The following SLC2A9 variants were observed in gnomAD, a reference collection of about 807,000 sequenced individuals.
SLC2A9 encodes solute carrier family 2, facilitated glucose transporter member 9.
SLC2A9 carries 39 observed loss-of-function variants against 50.6 expected under a neutral mutation model. The ratio of observed to expected loss-of-function variants is 0.77; its 90% CI spans 0.60 to 1.01. The LOEUF is 1.01. SLC2A9 is among the 50% of genes least tolerant of loss of function. The pLI, the probability that SLC2A9 is intolerant of heterozygous loss-of-function variation, is 0.00. For synonymous variants in SLC2A9, 324 were observed against 276.9 expected (o/e 1.17, Z -1.69); for missense variants, 686 against 677.6 (o/e 1.01, Z -0.14).
At chr4:9,860,059 A>G (rs1731365348) in intron 10 of SLC2A9, among the ~76,000 whole-genome samples, 2 of 152,080 alleles carry the variant, frequency 1.3e-5, no homozygotes, top group Admixed American at 1.3e-4. Context: ...GGAGAAATTC[A>G]TCTTTTCACA....
intron 7 of SLC2A9, among the ~76,000 whole-genome samples, chr4:9,909,044 T>C (rs1422502038): frequency 6.6e-6 from 1 of 152,200 alleles, no homozygotes; most frequent in Non-Finnish European, 1.5e-5. Context: ...AGGTCCCCAC[T>C]ACACAAAACG....
intron 3 of SLC2A9, 76 bp downstream of exon 3, chr4:9,996,705 G>C: frequency 6.4e-7 from 1 of 1,557,690 alleles, no homozygotes; most frequent in Non-Finnish European, 8.8e-7. Flanking sequence ...TCTGTTGCCT[G>C]TCAGGACCCT....
At chr4:9,901,555 C>A (rs921469700) in intron 8 of SLC2A9, among the ~76,000 whole-genome samples, 1 of 152,316 alleles carries the variant, frequency 6.6e-6, no homozygotes, top group East Asian at 1.9e-4. Context: ...CCTTTTAACA[C>A]CCCTGTCCAC....
intron 10 of SLC2A9, among the ~76,000 whole-genome samples, chr4:9,865,587 T>TA (rs1213136153): frequency 6.6e-6 from 1 of 152,220 alleles, no homozygotes; most frequent in Admixed American, 6.5e-5. Flanking sequence ...GCACCATACA[T>TA]ATCGCTTAGC....
intron 5 of SLC2A9, among the ~76,000 whole-genome samples, chr4:9,956,262 T>C (rs1389513264): frequency 6.6e-6 from 1 of 151,094 alleles, no homozygotes; most frequent in East Asian, 2.0e-4. Flanking sequence ...GGCAGGTGGA[T>C]CACAAAGTCA....
intron 4 of SLC2A9, among the ~76,000 whole-genome samples, chr4:9,984,935 G>A (rs926434505): frequency 1.3e-5 from 2 of 152,152 alleles, no homozygotes; most frequent in East Asian, 1.9e-4. Context: ...CCTCTTTGGC[G>A]TCATCAGCAC....
At chr4:9,776,435 C>T (rs191474189), downstream of SLC2A9, among the ~76,000 whole-genome samples, 98 of 152,126 alleles carry the variant, frequency 6.4e-4, no homozygotes, top group East Asian at 4.5e-3. Flanking sequence ...CTGCCCTGAG[C>T]CTCCTGACTG....
chr4:9,861,886 C>T (rs891827541), intron 10 of SLC2A9, among the ~76,000 whole-genome samples: 1 of 152,158 alleles, frequency 6.6e-6, no homozygotes, highest in African/African-American at 2.4e-5. Context: ...CAAATCCTTC[C>T]TCTGCTTCAA....
chr4:9,958,825 A>G (rs1169696623), intron 5 of SLC2A9, among the ~76,000 whole-genome samples: 5 of 152,272 alleles, frequency 3.3e-5, no homozygotes, highest in East Asian at 3.9e-4. Context: ...GTGGTAGAAC[A>G]TCTGTGATAT....
chr4:10,005,679 AG>A (rs1760668937), intron 2 of SLC2A9, among the ~76,000 whole-genome samples: 1 of 152,236 alleles, frequency 6.6e-6, no homozygotes, highest in Non-Finnish European at 1.5e-5. Flanking sequence ...ACTGAATAAA[AG>A]GCTACATGGT....
chr4:9,988,070 G>A (rs530865243), intron 3 of SLC2A9, among the ~76,000 whole-genome samples: 1 of 152,262 alleles, frequency 6.6e-6, no homozygotes, highest in African/African-American at 2.4e-5. Flanking sequence ...ACTACATCTT[G>A]TCTTCTCTGT....
intron 3 of SLC2A9, among the ~76,000 whole-genome samples, chr4:9,792,080 A>C (rs1719990160): frequency 6.6e-6 from 1 of 151,986 alleles, no homozygotes; most frequent in South Asian, 2.1e-4. Context: ...ACAGGATATG[A>C]ATCACTACTG....
At chr4:9,905,817 G>GA (rs1740558287) in intron 8 of SLC2A9, among the ~76,000 whole-genome samples, 1 of 152,148 alleles carries the variant, frequency 6.6e-6, no homozygotes, top group African/African-American at 2.4e-5. Context: ...GTCCCATGTA[G>GA]AACACTTTGG....
chr4:10,028,286 G>A (rs1578389320), intron 1 of SLC2A9, among the ~76,000 whole-genome samples: 1 of 152,318 alleles, frequency 6.6e-6, no homozygotes, highest in East Asian at 1.9e-4. Context: ...CTTTTCATGA[G>A]AAAAGCCCAT....
chr4:9,847,077 T>C (rs916296416), intron 10 of SLC2A9, among the ~76,000 whole-genome samples: 1 of 152,204 alleles, frequency 6.6e-6, no homozygotes, highest in African/African-American at 2.4e-5. Flanking sequence ...GCCTCTTAGG[T>C]CTGTACTGGG....
intron 10 of SLC2A9, among the ~76,000 whole-genome samples, chr4:9,870,719 G>T (rs1415096909): frequency 2.0e-5 from 3 of 152,230 alleles, no homozygotes; most frequent in Non-Finnish European, 2.9e-5. Context: ...GCTGGAAAAA[G>T]GAGACTTTGG....
intron 10 of SLC2A9, among the ~76,000 whole-genome samples, chr4:9,853,030 G>T (rs886192111): frequency 6.6e-6 from 1 of 152,156 alleles, no homozygotes; most frequent in Admixed American, 6.5e-5. Context: ...ACAAAAATTA[G>T]CTGGATGTGG....
intron 10 of SLC2A9, among the ~76,000 whole-genome samples, chr4:9,845,042 C>T (rs556434972): frequency 0.011 from 1,595 of 151,240 alleles, 36 homozygotes; most frequent in African/African-American, 0.036. Context: ...GAGACAGAGT[C>T]TCGCTCTGTT....
intron 3 of SLC2A9, among the ~76,000 whole-genome samples, chr4:9,786,510 C>T (rs1275571884): frequency 6.6e-6 from 1 of 152,226 alleles, no homozygotes; most frequent in Non-Finnish European, 1.5e-5. Flanking sequence ...AACAGCAGAT[C>T]TTCATTGTGT....
Sources: gnomAD v4.1 joint callset for allele counts (sites outside exome capture counted in the v4.1 genomes callset) on GRCh38, gnomAD v4.1.1 for gene constraint, MANE v1.5 for transcripts, NCBI Gene and HGNC (gene_info 2026-07-23, HGNC 2026-07-21) for gene names.